Variants in SNED1 observed in about 807,000 individuals in gnomAD.
SNED1 encodes sushi, nidogen and EGF like domains 1, also known as sushi, nidogen and EGF-like domain-containing protein 1.
In SNED1, 81 loss-of-function variants were observed where a neutral mutation model predicts 166.7. The ratio of observed to expected loss-of-function variants is 0.49; its 90% CI spans 0.41 to 0.58. The LOEUF is 0.58. Ranked by LOEUF, SNED1 falls within the 20% of genes least tolerant of loss-of-function variation. The pLI is 0.00. For synonymous variants in SNED1, 762 were observed against 822.0 expected (o/e 0.93, Z 1.25); for missense variants, 1,604 against 2,000.2 (o/e 0.80, Z 3.78).
At position 241,048,721 on chromosome 2, in the gene SNED1, C is replaced by T. The variant is rs757913499; in HGVS notation, c.1459C>T (p.Leu487Phe). Residue 487 changes from leucine to phenylalanine, a missense_variant, in exon 10 of 32, where the codon CTC becomes TTC. This residue lies in a region of SNED1 where 1,237 missense variants were observed against 1,620.8 expected (regional missense o/e 0.76). Coordinates refer to ENST00000310397, the MANE Select transcript of SNED1 (RefSeq NM_001080437.3). The part of the protein sequence containing the change: ...GGRCLGANTT[L>F]CQCPLGFFGL... ...CAGATGCCTGGGCGCCAACACCACCCTCTGCCAGTGCCCCCTGGGATTCTT... is the reference window on the plus strand; with the variant it reads ...CAGATGCCTGGGCGCCAACACCACCTTCTGCCAGTGCCCCCTGGGATTCTT... The T allele has an allele frequency of 1.3e-5, 21 of 1,612,912 alleles. No homozygotes were observed. The highest frequency in any genetic ancestry group is 6.7e-5 in the African/African-American group (5 of 74,938).
In SNED1 at chr2:241,095,294, T is replaced by G. The variant is rs1459269486; in HGVS notation, c.*3658T>G. The G allele has an allele frequency of 6.5e-6, 1 of 152,910 alleles. No homozygotes were observed. The highest frequency in any genetic ancestry group is 1.5e-5 in the Non-Finnish European group (1 of 68,450). The allele number at this position is 152,910 out of a possible 1,614,324, so 9.5% of individuals were successfully genotyped here. On this transcript the variant is annotated 3_prime_UTR_variant, in exon 32 of 32. Transcript: ENST00000310397. ...ACTACAGGGCCGGAGACACCAGGCTTGGAAGTGACCACTGGCCAAGAGCTG... is the reference window on the plus strand; with the variant it reads ...ACTACAGGGCCGGAGACACCAGGCTGGGAAGTGACCACTGGCCAAGAGCTG...
chr2:241,010,763 CCTCCCAGGACCT>C (rs976655244), intron 1 of SNED1: 4 of 152,532 alleles, frequency 2.6e-5, no homozygotes, highest in Admixed American at 2.6e-4. Context: ...TGTGTGAGCC[CCTCCCAGGACCT>C]TTGTCACCTA....
At chr2:241,042,775 A>G (rs561195531) in intron 8 of SNED1, among the ~76,000 whole-genome samples, 4 of 152,378 alleles carry the variant, frequency 2.6e-5, no homozygotes, top group Non-Finnish European at 4.4e-5. Flanking sequence ...GGAAAGATCA[A>G]TGAACCTGAA....
intron 2 of SNED1, among the ~76,000 whole-genome samples, chr2:241,031,490 C>A (rs79731505): frequency 0.048 from 7,315 of 152,324 alleles, 949 homozygotes; most frequent in East Asian, 0.36. Flanking sequence ...GGCAGACAGC[C>A]CTGGACGAAG....
chr2:241,038,911 T>C (rs992431376), intron 6 of SNED1, among the ~76,000 whole-genome samples: 9 of 152,218 alleles, frequency 5.9e-5, no homozygotes, highest in Non-Finnish European at 2.9e-5. Flanking sequence ...TCCTCGGCTA[T>C]GCCCCAGGCT....
At chr2:241,089,320 T>G (rs1438555352) in intron 31 of SNED1, 4 of 1,550,344 alleles carry the variant, frequency 2.6e-6, no homozygotes. Flanking sequence ...TGAGGCACCC[T>G]TGGGTAACAA....
chr2:241,059,659 T>G (rs1291363958), intron 16 of SNED1, among the ~76,000 whole-genome samples: 5 of 152,250 alleles, frequency 3.3e-5, no homozygotes, highest in Admixed American at 6.5e-5. Context: ...CTTCATCATA[T>G]TAGGAGATGA....
chr2:241,061,385 A>G (rs1182790287), intron 16 of SNED1, among the ~76,000 whole-genome samples: 1 of 152,258 alleles, frequency 6.6e-6, no homozygotes, highest in Non-Finnish European at 1.5e-5. Context: ...TGGATCAACA[A>G]GATTTCTTAT....
chr2:241,007,294 G>A (rs543138694), intron 1 of SNED1, among the ~76,000 whole-genome samples: 6 of 152,332 alleles, frequency 3.9e-5, no homozygotes, highest in African/African-American at 1.4e-4. Context: ...GAAGTGGCCA[G>A]CCGGCCAAAC....
chr2:241,069,900 C>T lies in SNED1; in HGVS notation c.3308-20C>T. The T allele has an allele frequency of 2.5e-6, 4 of 1,607,350 alleles. No individual in the cohort carries two copies. In the African/African-American group the frequency reaches 4.0e-5, roughly 16 times the overall value. On this transcript the variant is annotated intron_variant, in intron 23 of 31. Transcript: ENST00000310397. This position sits in a 1 kb window ranked among gnomAD's most constrained non-coding sequence, Gnocchi z 4.9. Reference sequence around the variant, plus strand: ...CCCTGTGGGCACCCCCTCACCTCTCCCTGCTCCTGCCTCATCCAGGGCCCC... The same window carrying T: ...CCCTGTGGGCACCCCCTCACCTCTCTCTGCTCCTGCCTCATCCAGGGCCCC...
intron 1 of SNED1, among the ~76,000 whole-genome samples, chr2:241,004,033 A>G (rs13403657): frequency 0.078 from 11,899 of 152,288 alleles, 920 homozygotes; most frequent in East Asian, 0.32. Flanking sequence ...GAAGGAGAGA[A>G]GCTGATGCAT....
At chr2:241,044,438 T>C (rs2061597212) in intron 8 of SNED1, among the ~76,000 whole-genome samples, 1 of 152,204 alleles carries the variant, frequency 6.6e-6, no homozygotes, top group Non-Finnish European at 1.5e-5. Context: ...CTGGACAGAA[T>C]GCATGGAGTA....
intron 27 of SNED1, among the ~76,000 whole-genome samples, chr2:241,076,732 A>C (rs2063036790): frequency 6.6e-6 from 1 of 152,188 alleles, no homozygotes; most frequent in South Asian, 2.1e-4. Flanking sequence ...CATTTAGATC[A>C]GTGGAAAAGA....
chr2:241,048,879 C>A, intron 10 of SNED1, 113 bp downstream of exon 10: 7 of 1,185,224 alleles, frequency 5.9e-6, no homozygotes, highest in Non-Finnish European at 8.5e-6. Context: ...ATTGGTTCTA[C>A]CCCCACCCAG....
chr2:241,056,580 A>ATTT (rs1172411061), intron 16 of SNED1, among the ~76,000 whole-genome samples: 4 of 111,224 alleles, frequency 3.6e-5, no homozygotes, highest in Admixed American at 2.2e-4. Flanking sequence ...AATAAGTGAA[A>ATTT]TTTTTTTTTT....
chr2:241,070,246 A>T (rs1479171901), intron 24 of SNED1, 45 bp downstream of exon 24: 20 of 1,550,992 alleles, frequency 1.3e-5, no homozygotes, highest in Non-Finnish European at 1.7e-5. Context: ...AGTGTTTGCC[A>T]GCCCTCCACC....
chr2:241,033,778 C>A lies in SNED1; in HGVS notation c.545C>A (p.Ser182Tyr), dbSNP rs775997754. The change falls in exon 3 of 32, where the codon TCC becomes TAC. Residue 182 changes from serine to tyrosine, a missense_variant. By Grantham distance (144) the Ser-to-Tyr change is moderately radical. Transcript: ENST00000310397. ...GTGCTCATCACAGACGGCAAGCTCT[C>A]CTTCACCATCTTCAACTATGAGTCC... ...QTVLITDGKL[S>Y]FTIFNYESIV... 6.2e-7 allele frequency: 1 copy of A among 1,612,068 alleles called. No homozygotes were observed. Among genetic ancestry groups the A allele is most frequent in the Non-Finnish European group, 8.5e-7 (1 of 1,179,570 alleles).
chr2:241,052,888 C>G (rs1260242928), intron 15 of SNED1, among the ~76,000 whole-genome samples: 5 of 138,878 alleles, frequency 3.6e-5, no homozygotes, highest in Admixed American at 7.4e-5. Flanking sequence ...ATACCAGTGG[C>G]AGGCAGGTGA....
At position 241,067,908 on chromosome 2, in the gene SNED1, C is replaced by T; in HGVS notation, c.3155C>T (p.Ala1052Val). 6.2e-7 allele frequency: 1 copy of T among 1,613,428 alleles called. No homozygotes were observed. The highest frequency in any genetic ancestry group is 8.5e-7 in the Non-Finnish European group (1 of 1,179,814). ...IRHPEALRDQATDVDRSVDRF... is the reference protein window; with the variant it reads ...IRHPEALRDQVTDVDRSVDRF... ...CACCCTGAGGCCCTCAGGGACCAGG[C>T]CACCGATGTGGACAGGAGTGTGGAC... The change falls in exon 22 of 32, where the codon GCC becomes GTC. Residue 1052 changes from alanine (A) to valine (V), a missense_variant. Around this residue, in one of 2 missense-constraint regions of SNED1, gnomAD observed 1,237 missense variants for 1,620.8 expected, o/e 0.76. Transcript: ENST00000310397.
Sources: allele counts gnomAD v4.1 joint callset (sites outside exome capture counted in the v4.1 genomes callset), GRCh38; gene constraint gnomAD v4.1.1; regional missense constraint gnomAD v4.1.1; non-coding constraint Gnocchi (gnomAD v3.1); transcripts MANE v1.5; gene names NCBI Gene and HGNC (gene_info 2026-07-23, HGNC 2026-07-21).